The following GABRB1 variants were observed in gnomAD, a reference collection of about 807,000 sequenced individuals.
GABRB1 encodes the protein gamma-aminobutyric acid type A receptor subunit beta1.
GABRB1 carries 17 observed loss-of-function variants against 51.6 expected under a neutral mutation model. That is an observed-to-expected ratio of 0.33 (90% CI 0.23 to 0.49). The LOEUF (loss-of-function observed/expected upper bound fraction) is 0.49. Among genes scored for constraint, GABRB1 ranks in the 20% least tolerant of loss-of-function variants. The pLI is 0.99. For synonymous variants in GABRB1, 247 were observed against 218.9 expected, an observed-to-expected ratio of 1.13 and a Z score of -1.14; for missense variants, 410 against 600.6, an observed-to-expected ratio of 0.68 and a Z score of 3.32.
intron 3 of GABRB1, among the ~76,000 whole-genome samples, chr4:47,048,600 T>C (rs1012171826): frequency 1.3e-5 from 2 of 152,112 alleles, no homozygotes; most frequent in African/African-American, 4.8e-5. Flanking sequence ...AGAATAGAAA[T>C]AGTGGTTAAA....
intron 4 of GABRB1, among the ~76,000 whole-genome samples, chr4:47,243,475 G>A (rs1721615236): frequency 6.6e-6 from 1 of 152,146 alleles, no homozygotes; most frequent in Non-Finnish European, 1.5e-5. Flanking sequence ...AATTACCTTG[G>A]GCAGTATGGC....
intron 1 of GABRB1, among the ~76,000 whole-genome samples, chr4:47,002,782 A>G (rs1724268451): frequency 6.6e-6 from 1 of 152,226 alleles, no homozygotes; most frequent in African/African-American, 2.4e-5. Context: ...TCAAAAGACT[A>G]TGAAGCCAGA....
intron 4 of GABRB1, among the ~76,000 whole-genome samples, chr4:47,200,062 T>C (rs1719839710): frequency 6.6e-6 from 1 of 152,046 alleles, no homozygotes; most frequent in South Asian, 2.1e-4. Flanking sequence ...GAGCTGTCAA[T>C]GTATATAAAG....
intron 3 of GABRB1, among the ~76,000 whole-genome samples, chr4:47,044,197 T>C (rs1725985019): frequency 6.6e-6 from 1 of 152,088 alleles, no homozygotes; most frequent in Non-Finnish European, 1.5e-5. Context: ...CTCCATTCTC[T>C]GCTTGTGTAA....
At chr4:47,198,228 T>C (rs1370316654) in intron 4 of GABRB1, among the ~76,000 whole-genome samples, 1 of 152,136 alleles carries the variant, frequency 6.6e-6, no homozygotes, top group African/African-American at 2.4e-5. Flanking sequence ...AAGAATTTTG[T>C]GAAACATGGG....
chr4:47,275,898 T>C (rs1290415038), intron 4 of GABRB1, among the ~76,000 whole-genome samples: 2 of 152,162 alleles, frequency 1.3e-5, no homozygotes, highest in Admixed American at 1.3e-4. Flanking sequence ...CATGTAACTG[T>C]GTTAGTGAAC....
chr4:47,311,640 T>C (rs1724688673), intron 4 of GABRB1, among the ~76,000 whole-genome samples: 1 of 152,140 alleles, frequency 6.6e-6, no homozygotes, highest in Admixed American at 6.5e-5. Context: ...TGCTAACACC[T>C]TGATTTTAGG....
At chr4:47,026,632 C>T (rs981850411), upstream of GABRB1, among the ~76,000 whole-genome samples, 1 of 151,996 alleles carries the variant, frequency 6.6e-6, no homozygotes, top group Non-Finnish European at 1.5e-5. Context: ...GGGCACAACA[C>T]TGCAAATCAG....
intron 4 of GABRB1, among the ~76,000 whole-genome samples, chr4:47,286,720 C>T (rs2109915791): frequency 6.6e-6 from 1 of 152,266 alleles, no homozygotes; most frequent in Admixed American, 6.5e-5. Context: ...AAGCAAGTAC[C>T]TTGTGAAACA....
chr4:47,182,931 T>A (rs1209749311), intron 4 of GABRB1, among the ~76,000 whole-genome samples: 3 of 151,962 alleles, frequency 2.0e-5, no homozygotes, highest in East Asian at 3.9e-4. Context: ...CATTTGAAGA[T>A]TCCCATATGC....
chr4:46,994,682 T>C (rs888301904), intron 1 of GABRB1, among the ~76,000 whole-genome samples: 1 of 152,180 alleles, frequency 6.6e-6, no homozygotes, highest in African/African-American at 2.4e-5. Context: ...AATAGATCTT[T>C]GGAAACATTA....
intron 4 of GABRB1, among the ~76,000 whole-genome samples, chr4:47,211,730 T>C (rs1353006965): frequency 6.6e-6 from 1 of 152,190 alleles, no homozygotes; most frequent in Admixed American, 6.5e-5. Flanking sequence ...AGTCAAGGTA[T>C]CCACAGGATG....
intron 4 of GABRB1, among the ~76,000 whole-genome samples, chr4:47,206,505 C>T (rs959801503): frequency 6.6e-6 from 1 of 151,908 alleles, no homozygotes; most frequent in African/African-American, 2.4e-5. Context: ...TATTTTGAAG[C>T]ATAATGAATA....
chr4:47,375,196 T>A (rs1727337415), intron 5 of GABRB1, among the ~76,000 whole-genome samples: 1 of 152,160 alleles, frequency 6.6e-6, no homozygotes, highest in Admixed American at 6.5e-5. Context: ...TAAAGAAGGA[T>A]CATTAAAAGA....
At chr4:47,314,676 CA>C (rs952022913) in intron 4 of GABRB1, among the ~76,000 whole-genome samples, 1 of 151,812 alleles carries the variant, frequency 6.6e-6, no homozygotes, top group African/African-American at 2.4e-5. Flanking sequence ...ACAAAGTTGA[CA>C]AAAACAAGCA....
chr4:47,187,573 A>C (rs904225619), intron 4 of GABRB1, among the ~76,000 whole-genome samples: 5 of 151,826 alleles, frequency 3.3e-5, no homozygotes, highest in Admixed American at 6.6e-5. Flanking sequence ...ATTTAGCGTG[A>C]AATTATATGG....
chr4:47,161,612 C>T (rs897090069), intron 4 of GABRB1, 143 bp downstream of exon 4: 8 of 658,638 alleles, frequency 1.2e-5, no homozygotes, highest in African/African-American at 1.8e-5. Flanking sequence ...AGGTCTATTA[C>T]AAACCCTCAT....
At chr4:47,063,048 T>C (rs975546647) in intron 3 of GABRB1, among the ~76,000 whole-genome samples, 4 of 152,222 alleles carry the variant, frequency 2.6e-5, no homozygotes, top group Non-Finnish European at 4.4e-5. Context: ...AAACCGTTTA[T>C]GGCTTTCTCT....
intron 3 of GABRB1, chr4:47,032,731 T>A (rs772458461): frequency 5.7e-6 from 4 of 696,412 alleles, no homozygotes; most frequent in South Asian, 1.5e-5. Context: ...GAGTGACTGT[T>A]GCGCCGTGGA....
Sources: allele counts gnomAD v4.1 joint callset (sites outside exome capture counted in the v4.1 genomes callset), GRCh38; gene constraint gnomAD v4.1.1; transcripts MANE v1.5; gene names NCBI Gene and HGNC (gene_info 2026-07-23, HGNC 2026-07-21).